The following KCNG4 variants were observed in gnomAD, a reference collection of about 807,000 sequenced individuals.
KCNG4 encodes the protein voltage-gated potassium channel regulatory subunit KCNG4.
In KCNG4, 30 loss-of-function variants were observed where a neutral mutation model predicts 28.2. The ratio of observed to expected loss-of-function variants is 1.06; its 90% CI spans 0.80 to 1.44. The LOEUF (loss-of-function observed/expected upper bound fraction) is 1.44, where lower values mean the gene tolerates loss of function less well. Ranked by LOEUF, KCNG4 falls within the 40% of genes most tolerant of loss-of-function variation. KCNG4 has a pLI of 0.00. For synonymous variants in KCNG4, 375 were observed against 315.5 expected, an observed-to-expected ratio of 1.19 and a Z score of -2.00; for missense variants, 879 against 712.3, an observed-to-expected ratio of 1.23 and a Z score of -2.66.
At chr16:84,233,301 T>G (rs774814156) in intron 2 of KCNG4, among the ~76,000 whole-genome samples, 2 of 152,192 alleles carry the variant, frequency 1.3e-5, no homozygotes, top group Non-Finnish European at 2.9e-5. Context: ...ACATCTGGCC[T>G]TCGCACCATC....
At position 84,219,961 on chromosome 16, in the gene KCNG4, G is replaced by A. The variant is rs931866965; in HGVS notation, c.*2256C>T. 3 of 151,772 alleles carry A rather than the reference G, an allele frequency of 2.0e-5. No individual in the cohort carries two copies. The highest frequency in any genetic ancestry group is 4.4e-5 in the Non-Finnish European group (3 of 67,992). The allele number at this position is 151,772 out of a possible 1,614,324, so 9.4% of individuals were successfully genotyped here. A position where few individuals can be genotyped will look rare whatever the true frequency, so the allele number is the denominator to read the frequency against. ...GCCTGTAATCCCCGCTATTTGGGAG[G>A]CTGAGGCAGGAGAATTGCTTGAACC... On this transcript the variant is annotated 3_prime_UTR_variant, in exon 3 of 3. Transcript: ENST00000308251.
intron 2 of KCNG4, among the ~76,000 whole-genome samples, chr16:84,224,232 C>T (rs1904644952): frequency 6.6e-6 from 1 of 152,126 alleles, no homozygotes; most frequent in Non-Finnish European, 1.5e-5. Flanking sequence ...TCAAGCTTGG[C>T]TGCATGTTGG....
At chr16:84,224,439 C>CACACACACAG (rs1567624061) in intron 2 of KCNG4, among the ~76,000 whole-genome samples, 2 of 152,026 alleles carry the variant, frequency 1.3e-5, no homozygotes, top group African/African-American at 4.8e-5. Context: ...CACACACACA[C>CACACACACAG]AGATATGTAT....
In KCNG4 at chr16:84,222,809, G is replaced by C; in HGVS notation, c.968C>G (p.Pro323Arg). ...SEEPPEDGERPSGSSYLEKVG... is the reference protein window; with the variant it reads ...SEEPPEDGERRSGSSYLEKVG... Reference sequence around the variant, plus strand: ...CTTCTCCAGGTAGGAGCTCCCGCTCGGCCTCTCGCCGTCCTCCGGGGGCTC... The same window carrying C: ...CTTCTCCAGGTAGGAGCTCCCGCTCCGCCTCTCGCCGTCCTCCGGGGGCTC... The change falls in exon 3 of 3, where the codon CCG (proline) becomes CGG (arginine). Residue 323 changes from proline to arginine, a missense_variant. Coordinates refer to ENST00000308251, the MANE Select transcript of KCNG4 (RefSeq NM_172347.3). 3 of 1,610,068 alleles carry C rather than the reference G, an allele frequency of 1.9e-6. No individual in the cohort carries two copies. The highest frequency in any genetic ancestry group is 2.5e-6 in the Non-Finnish European group (3 of 1,177,028).
intron 1 of KCNG4, 92 bp from the exon 2 acceptor site, chr16:84,237,617 G>C (rs554997052): frequency 3.8e-4 from 321 of 845,118 alleles, no homozygotes; most frequent in Non-Finnish European, 4.9e-4. Context: ...ATGTTCTTAC[G>C]TGTGCTTTCC....
At chr16:84,229,304 A>G (rs961284362) in intron 2 of KCNG4, among the ~76,000 whole-genome samples, 6 of 143,904 alleles carry the variant, frequency 4.2e-5, no homozygotes, top group African/African-American at 1.6e-4. Context: ...AAAAAAAAAG[A>G]AAAAAAAAAA....
intron 2 of KCNG4, chr16:84,236,428 C>A: frequency 2.2e-6 from 1 of 451,084 alleles, no homozygotes. Flanking sequence ...CTCGGGAGAG[C>A]TGGGAGAGGT....
In KCNG4 at chr16:84,222,622, G is replaced by A; in HGVS notation, c.1155C>T (p.Phe385=). 2 of 1,613,400 alleles carry A rather than the reference G, an allele frequency of 1.2e-6. No homozygotes were observed. The highest frequency in any genetic ancestry group is 1.7e-6 in the Non-Finnish European group (2 of 1,179,998). Residue 385 remains phenylalanine (F), a synonymous_variant, in exon 3 of 3, where the codon TTC becomes TTT. Coordinates refer to ENST00000308251, the MANE Select transcript of KCNG4 (RefSeq NM_172347.3). ...LLFLAVAITL[F]SPLVYVAEKE... is the part of the protein sequence containing the mutation. ...TCTCGGCCACGTAGACCAAAGGGGA[G>A]AAGAGGGTGATGGCCACGGCCAGGA...
rs1264878416 is a variant in KCNG4 at position 84,221,983 on chromosome 16, G to T, written c.*234C>A. The stretch of plus-strand genomic sequence containing the variant: ...CCAGCAAGATTGGACATGCTCAGTA[G>T]ATGGGCAGAGAGAGGAAAAGGCAAG... On this transcript the variant is annotated 3_prime_UTR_variant, in exon 3 of 3. Transcript: ENST00000308251. 11 of 563,304 alleles carry T rather than the reference G, an allele frequency of 2.0e-5. No individual in the cohort carries two copies. The highest frequency in any genetic ancestry group is 3.2e-5 in the Non-Finnish European group (10 of 316,310). 34.9% of individuals were successfully genotyped at this position (563,304 alleles called of 1,614,324 possible).
chr16:84,218,710 C>G lies in KCNG4; in HGVS notation c.*3507G>C, dbSNP rs767132167. The G allele has an allele frequency of 6.6e-6, 1 of 152,212 alleles. No homozygotes were observed. Among genetic ancestry groups the G allele is most frequent in the African/African-American group, 2.4e-5 (1 of 41,446 alleles). The allele number at this position is 152,212 out of a possible 1,614,324, so 9.4% of individuals were successfully genotyped here. A position where few individuals can be genotyped will look rare whatever the true frequency, so the allele number is the denominator to read the frequency against. On this transcript the variant is annotated 3_prime_UTR_variant, in exon 3 of 3. Transcript: ENST00000308251. ...AGAGCGTTTAATTAAGCCCCACATG[C>G]GAGCAATCAATTCCAATTTTCCATG...
At chr16:84,224,405 C>CACACACACACACACACAT (rs1567624003) in intron 2 of KCNG4, among the ~76,000 whole-genome samples, 3 of 80,526 alleles carry the variant, frequency 3.7e-5, no homozygotes, top group Non-Finnish European at 5.4e-5. Flanking sequence ...TACATATTTA[C>CACACACACACACACACAT]ACACACACAC....
Position 84,237,242 on chromosome 16 carries a change from G to T in KCNG4, c.244C>A (p.Leu82Met), listed in dbSNP as rs1187530090. The T allele has an allele frequency of 6.2e-7, 1 of 1,614,080 alleles. No individual in the cohort carries two copies. Among genetic ancestry groups the T allele is most frequent in the Admixed American group, 1.7e-5 (1 of 60,034 alleles). The change falls in exon 2 of 3, where the codon CTG (leucine) becomes ATG (methionine). Residue 82 changes from leucine (L) to methionine (M), a missense_variant. Leu to Met is a conservative substitution (Grantham distance 15). Transcript: ENST00000308251. Reference sequence around the variant, plus strand: ...AGCCTGAGTTTGCTCAGGCGGCTCAGCGGGAACCGGTCCAGTGTGCTCCAG... The same window carrying T: ...AGCCTGAGTTTGCTCAGGCGGCTCATCGGGAACCGGTCCAGTGTGCTCCAG... ...LPWSTLDRFPLSRLSKLRLCR... is the reference protein window; with the variant it reads ...LPWSTLDRFPMSRLSKLRLCR...
intron 2 of KCNG4, among the ~76,000 whole-genome samples, chr16:84,228,690 G>C (rs541476602): frequency 1.4e-5 from 2 of 146,356 alleles, no homozygotes; most frequent in African/African-American, 5.0e-5. Context: ...GGAACCAACC[G>C]GACGGGGTCA....
chr16:84,230,700 C>T (rs1041475918), intron 2 of KCNG4, among the ~76,000 whole-genome samples: 3 of 152,242 alleles, frequency 2.0e-5, no homozygotes, highest in Non-Finnish European at 4.4e-5. Flanking sequence ...TGCAGTTCTG[C>T]TCCCTAAGCC....
chr16:84,238,549 C>G (rs2151341670), intron 1 of KCNG4, among the ~76,000 whole-genome samples: 1 of 152,308 alleles, frequency 6.6e-6, no homozygotes, highest in South Asian at 2.1e-4. Flanking sequence ...AGTTACTCCC[C>G]CTCTCTGGGC....
At chr16:84,234,391 C>G (rs1904894767) in intron 2 of KCNG4, among the ~76,000 whole-genome samples, 1 of 151,892 alleles carries the variant, frequency 6.6e-6, no homozygotes, top group Admixed American at 6.6e-5. Flanking sequence ...GTTGGCCAGG[C>G]TGATCTCAAA....
At chr16:84,225,802 G>A (rs1278931524) in intron 2 of KCNG4, among the ~76,000 whole-genome samples, 2 of 152,166 alleles carry the variant, frequency 1.3e-5, no homozygotes, top group Admixed American at 6.5e-5. Context: ...CCACCTCTCT[G>A]GACTGCAGCA....
chr16:84,230,876 G>A (rs987626902), intron 2 of KCNG4, among the ~76,000 whole-genome samples: 1 of 152,210 alleles, frequency 6.6e-6, no homozygotes, highest in Non-Finnish European at 1.5e-5. Flanking sequence ...CTGGTCCTGC[G>A]CGTGGCGAGT....
At position 84,220,518 on chromosome 16, in the gene KCNG4, T is replaced by C; in HGVS notation, c.*1699A>G. On this transcript the variant is annotated 3_prime_UTR_variant, in exon 3 of 3. Transcript: ENST00000308251. ...CACACAGCGGGAAATCGCAAAAAAC[T>C]AGCAGAATGAATGAACAGCAAGGAA... is the stretch of plus-strand genomic sequence containing the variant. 6.6e-6 allele frequency: 1 copy of C among 152,228 alleles called. No individual in the cohort carries two copies. Among genetic ancestry groups the C allele is most frequent in the African/African-American group, 2.4e-5 (1 of 41,438 alleles). 9.4% of individuals were successfully genotyped at this position (152,228 alleles called of 1,614,324 possible).
Sources: gnomAD v4.1 joint callset for allele counts (sites outside exome capture counted in the v4.1 genomes callset) on GRCh38, gnomAD v4.1.1 for gene constraint, MANE v1.5 for transcripts, NCBI Gene and HGNC (gene_info 2026-07-23, HGNC 2026-07-21) for gene names.